FANCI: variants seen among roughly 807,000 people sequenced by gnomAD.
FANCI encodes the protein FA complementation group I, also known as Fanconi anemia group I protein.
A neutral mutation model predicts 176.1 loss-of-function variants in FANCI; 156 were observed. That is an observed-to-expected ratio of 0.89 (90% confidence interval 0.78 to 1.01). The LOEUF is 1.01. FANCI is among the 50% of genes least tolerant of loss of function. The pLI is 0.00. For synonymous variants in FANCI, 613 were observed against 541.7 expected (o/e 1.13, Z -1.83); for missense variants, 1,678 against 1,534.1 (o/e 1.09, Z -1.57).
intron 34 of FANCI, among the ~76,000 whole-genome samples, chr15:89,308,440 A>G (rs1432331823): frequency 6.6e-6 from 1 of 152,214 alleles, no homozygotes; most frequent in African/African-American, 2.4e-5. Flanking sequence ...CAGGGCTGTT[A>G]CTGATCTTTG....
rs371909555 is a variant in FANCI at position 89,264,475 on chromosome 15, ATT to A, written c.670-44_670-43del. 1.0e-4 allele frequency: 149 copies of A among 1,489,746 alleles called. No individual in the cohort carries two copies. In the East Asian group the frequency reaches 1.7e-3, roughly 17 times the overall value. The allele number at this position is 1,489,746 out of a possible 1,614,324, so 92.3% of individuals were successfully genotyped here. ...AAACTACTTTGAATTCAAATTGGTT[ATT>A]TTGCTGTTAATTGGGAGACCTTACC... On this transcript the variant is annotated intron_variant, in intron 8 of 37. Coordinates refer to ENST00000310775, the MANE Select transcript of FANCI (RefSeq NM_001113378.2).
intron 12 of FANCI, among the ~76,000 whole-genome samples, chr15:89,274,683 C>T (rs1430800359): frequency 7.0e-6 from 1 of 143,264 alleles, no homozygotes; most frequent in African/African-American, 2.7e-5. Flanking sequence ...TGGCTCACTG[C>T]ACCCTTGACC....
intron 11 of FANCI, 143 bp downstream of exon 11, chr15:89,273,612 G>C (rs919072141): frequency 1.5e-6 from 1 of 649,984 alleles, no homozygotes; most frequent in African/African-American, 1.9e-5. Flanking sequence ...GCTGCAATAA[G>C]ACATGTATGT....
In FANCI at chr15:89,252,160, C is replaced by T. The variant is rs150575009; in HGVS notation, c.84+4429C>T. On this transcript the variant is annotated intron_variant, in intron 2 of 37. Coordinates refer to ENST00000310775, the MANE Select transcript of FANCI (RefSeq NM_001113378.2). Reference sequence around the variant, plus strand: ...ACTAAAAATATAAAAATTAGCTGGGCGTGGTGGTGTGTGCCTGTAATCCCA... The same window carrying T: ...ACTAAAAATATAAAAATTAGCTGGGTGTGGTGGTGTGTGCCTGTAATCCCA... 2.4e-4 allele frequency among the ~76,000 whole-genome samples: 36 copies of T among 151,576 alleles called. No homozygotes were observed. The East Asian group carries it at 3.9e-3, about 16-fold the overall frequency.
Position 89,295,799 on chromosome 15 carries a change from A to C in FANCI, c.2636+705A>C, listed in dbSNP as rs1329181917. ...CTTTTTTTTTGGCTTTTTTTGAGAG[A>C]GTCTCGCTCTATTGCCCAGGGTGGA... On this transcript the variant is annotated intron_variant, in intron 24 of 37. Coordinates refer to ENST00000310775, the MANE Select transcript of FANCI (RefSeq NM_001113378.2). Among the ~76,000 whole-genome samples, 3 of 127,506 alleles carry C rather than the reference A, an allele frequency of 2.4e-5. No individual in the cohort carries two copies. The East Asian group carries it at 7.1e-4, about 30-fold the overall frequency. The allele number at this position is 127,506 out of a possible 152,430, so 83.6% of individuals were successfully genotyped here.
At chr15:89,282,350 A>T in intron 16 of FANCI, 3 of 167,128 alleles carry the variant, frequency 1.8e-5, no homozygotes, top group Admixed American at 1.1e-4. Context: ...AGTAGATCAA[A>T]TTAATTGTTG....
rs533861671 is a variant in FANCI at position 89,281,446 on chromosome 15, G to A, written c.1512+146G>A. 6.3e-5 allele frequency: 61 copies of A among 966,702 alleles called. 1 individual carries two copies. The South Asian group carries it at 8.6e-4, about 14-fold the overall frequency. The allele number at this position is 966,702 out of a possible 1,614,324, so 59.9% of individuals were successfully genotyped here. A position where few individuals can be genotyped will look rare whatever the true frequency, so the allele number is the denominator to read the frequency against. ...CATAAAATTTGCATTAAAAGGGCAA[G>A]AGCATTGAGCAAGACTGTTTTCCAG... On this transcript the variant is annotated intron_variant, in intron 15 of 37. Transcript: ENST00000310775.
rs369594005 is a variant in FANCI, at chr15:89,264,501, C to T, written c.670-21C>T. The T allele has an allele frequency of 3.7e-6, 6 of 1,609,288 alleles. No homozygotes were observed. The African/African-American group carries it at 8.0e-5, about 22-fold the overall frequency. On this transcript the variant is annotated intron_variant, in intron 8 of 37. Coordinates refer to ENST00000310775, the MANE Select transcript of FANCI (RefSeq NM_001113378.2). ...TTTTGCTGTTAATTGGGAGACCTTA[C>T]CAATTTTGTATTGTTTTCAGGGAAG...
intron 15 of FANCI, 103 bp from the exon 16 acceptor site, chr15:89,281,662 A>G: frequency 2.8e-6 from 3 of 1,062,116 alleles, no homozygotes; most frequent in Non-Finnish European, 4.4e-6. Context: ...ATAAAACAGA[A>G]GTAAGCTTCC....
intron 9 of FANCI, 178 bp downstream of exon 9, chr15:89,264,785 C>G (rs1054375989): frequency 3.7e-6 from 2 of 541,490 alleles, no homozygotes; most frequent in East Asian, 3.4e-5. Context: ...TCAGCTCTTT[C>G]ATTTTCACCT....
At chr15:89,278,642 C>A in intron 13 of FANCI, 45 bp from the exon 14 acceptor site, 1 of 1,486,108 alleles carries the variant, frequency 6.7e-7, no homozygotes, top group Non-Finnish European at 9.4e-7. Context: ...TACTTAAAAG[C>A]TGAAGGGTCA....
chr15:89,273,293 C>T lies in FANCI; in HGVS notation c.883-84C>T, dbSNP rs1359533378. On this transcript the variant is annotated intron_variant, in intron 10 of 37. Coordinates refer to ENST00000310775, the MANE Select transcript of FANCI (RefSeq NM_001113378.2). ...CACTCTAGCCTGGGCAACAGAGAGA[C>T]CCAATCTTTTTTTTTTTAAAAAAAA... 20 of 748,850 alleles carry T rather than the reference C, an allele frequency of 2.7e-5. No homozygotes were observed. In the East Asian group the frequency reaches 4.4e-4, roughly 16 times the overall value. 46.4% of individuals were successfully genotyped at this position (748,850 alleles called of 1,614,324 possible). A position where few individuals can be genotyped will look rare whatever the true frequency, so the allele number is the denominator to read the frequency against.
chr15:89,315,588 GT>G (rs2152035164), intron 37 of FANCI, among the ~76,000 whole-genome samples, 199 bp downstream of exon 37: 2 of 152,342 alleles, frequency 1.3e-5, no homozygotes, highest in Admixed American at 1.3e-4. Context: ...GCCCCGACTT[GT>G]TTGATAAACA....
chr15:89,295,233 G>C, intron 24 of FANCI, 139 bp downstream of exon 24: 1 of 1,006,476 alleles, frequency 9.9e-7, no homozygotes, highest in Admixed American at 2.9e-5. Flanking sequence ...TTAGCCAGGT[G>C]GCAGGCACTT....
At chr15:89,244,692 G>A (rs898128668) in intron 1 of FANCI, among the ~76,000 whole-genome samples, 4 of 152,210 alleles carry the variant, frequency 2.6e-5, no homozygotes, top group Non-Finnish European at 5.9e-5. Flanking sequence ...TTCAAAGCAT[G>A]GGATCTTGGA....
chr15:89,316,419 G>A lies in FANCI; in HGVS notation c.3947G>A (p.Gly1316Glu), dbSNP rs138461165. 114 of 1,611,754 alleles carry A rather than the reference G, an allele frequency of 7.1e-5. 1 individual carries two copies. The African/African-American group carries it at 1.3e-3, about 18-fold the overall frequency. ...NEEGTASEHG[G>E]QNKEPAKKKR... ...TAGGGCACTGCATCAGAGCATGGGG[G>A]ACAGAACAAAGAACCAGCCAAGAAG... Residue 1316 changes from glycine to glutamate, a missense_variant, in exon 38 of 38, where the codon GGA (glycine) becomes GAA (glutamate). Gly to Glu is a moderately conservative substitution (Grantham distance 98). Around this residue, in one of 3 missense-constraint regions of FANCI, gnomAD observed 1,204 missense variants for 1,077.4 expected, o/e 1.12. Coordinates refer to ENST00000310775, the MANE Select transcript of FANCI (RefSeq NM_001113378.2).
intron 18 of FANCI, among the ~76,000 whole-genome samples, chr15:89,289,939 G>A (rs964792258): frequency 3.3e-5 from 5 of 152,018 alleles, no homozygotes; most frequent in African/African-American, 1.2e-4. Flanking sequence ...TGATCTGCCT[G>A]TCTCAGCCTC....
chr15:89,312,835 A>T (rs2055022456), intron 34 of FANCI, 69 bp from the exon 35 acceptor site: 2 of 1,158,914 alleles, frequency 1.7e-6, no homozygotes, highest in Non-Finnish European at 1.2e-6. Context: ...AAAAAAAAAA[A>T]TTAGCACTAG....
chr15:89,316,669 G>T lies in FANCI; in HGVS notation c.*210G>T, dbSNP rs1596346957. The T allele has an allele frequency of 4.6e-6, 6 of 1,300,164 alleles. No homozygotes were observed. Among genetic ancestry groups the T allele is most frequent in the African/African-American group, 2.9e-5 (2 of 68,622 alleles). 80.5% of individuals were successfully genotyped at this position (1,300,164 alleles called of 1,614,324 possible). ...CCTTAGGCAAGCCCTTTTGCAAAAA[G>T]CACAGCTGAAAGCCTGAGTTTGGGA... On this transcript the variant is annotated 3_prime_UTR_variant, in exon 38 of 38. Coordinates refer to ENST00000310775, the MANE Select transcript of FANCI (RefSeq NM_001113378.2).
Sources: allele counts gnomAD v4.1 joint callset (sites outside exome capture counted in the v4.1 genomes callset), GRCh38; gene constraint gnomAD v4.1.1; regional missense constraint gnomAD v4.1.1; transcripts MANE v1.5; gene names NCBI Gene and HGNC (gene_info 2026-07-23, HGNC 2026-07-21).